KMO: variants seen among roughly 807,000 people sequenced by gnomAD.
KMO encodes the protein kynurenine 3-monooxygenase.
Under a neutral mutation model 57.8 loss-of-function variants are expected in KMO, and 24 were observed. The observed-to-expected ratio is 0.42, with a 90% CI of 0.30 to 0.58. The LOEUF is 0.58. Ranked by LOEUF, KMO falls within the 20% of genes least tolerant of loss-of-function variation. The probability of loss-of-function intolerance (pLI) is 0.22; values close to 1 mark genes in which losing one functional copy is unlikely to be tolerated. For synonymous variants in KMO, 210 were observed against 193.6 expected, an observed-to-expected ratio of 1.08 and a Z score of -0.70; for missense variants, 483 against 588.2, an observed-to-expected ratio of 0.82 and a Z score of 1.85.
chr1:241,577,801 G>A (rs1185998940), intron 10 of KMO, among the ~76,000 whole-genome samples: 1 of 152,174 alleles, frequency 6.6e-6, no homozygotes, highest in Non-Finnish European at 1.5e-5. Flanking sequence ...AATATGAAAT[G>A]TTGGTCAGAG....
chr1:241,532,404 T>C lies in KMO; in HGVS notation c.-41T>C, dbSNP rs368119479. 66 of 1,612,040 alleles carry C rather than the reference T, an allele frequency of 4.1e-5. No individual in the cohort carries two copies. The African/African-American group carries it at 7.8e-4, about 19-fold the overall frequency. On this transcript the variant is annotated 5_prime_UTR_variant, in exon 1 of 15. Transcript: ENST00000366559. ...AGACACAGAAATCAGTGTCACTCAG[T>C]GACAGAAGCAACAATAATTGTGAAA...
intron 8 of KMO, among the ~76,000 whole-genome samples, chr1:241,565,340 T>C (rs536657309): frequency 1.3e-5 from 2 of 152,210 alleles, no homozygotes; most frequent in South Asian, 4.1e-4. Context: ...AAACAGCCCT[T>C]CCAGTAAAGC....
At chr1:241,575,504 A>G (rs1023481202) in intron 10 of KMO, among the ~76,000 whole-genome samples, 3 of 151,970 alleles carry the variant, frequency 2.0e-5, no homozygotes, top group African/African-American at 4.8e-5. Flanking sequence ...TGAAATTTCC[A>G]TCTTGATTTC....
chr1:241,591,882 T>C, intron 14 of KMO, 71 bp from the exon 15 acceptor site: 1 of 1,267,162 alleles, frequency 7.9e-7, no homozygotes, highest in Non-Finnish European at 1.1e-6. Flanking sequence ...CCCTTTGTTG[T>C]TAAAAAATGA....
chr1:241,568,387 A>G (rs1270882896), intron 9 of KMO, 113 bp from the exon 10 acceptor site: 2 of 1,044,218 alleles, frequency 1.9e-6, no homozygotes, highest in African/African-American at 1.6e-5. Flanking sequence ...TCTTCTTGGC[A>G]TTCTTGTTTT....
At position 241,586,721 on chromosome 1, in the gene KMO, T is replaced by C. The variant is rs748323110; in HGVS notation, c.1000T>C (p.Phe334Leu). 2 of 1,605,548 alleles carry C rather than the reference T, an allele frequency of 1.2e-6. No individual in the cohort carries two copies. The highest frequency in any genetic ancestry group is 1.7e-6 in the Non-Finnish European group (2 of 1,176,808). ...CLVFDELMDK[F>L]SNDLSLCLPV... ...GGTATTTGATGAGTTAATGGATAAA[T>C]TCAGTAACGACCTTAGTAAGTAAGG... The change falls in exon 11 of 15, where the codon TTC becomes CTC. Residue 334 changes from phenylalanine to leucine, a missense_variant. This residue lies in a region of KMO where 410 missense variants were observed against 492.3 expected (regional missense o/e 0.83). Coordinates refer to ENST00000366559, the MANE Select transcript of KMO (RefSeq NM_003679.5).
chr1:241,544,853 T>C (rs1028915659), intron 1 of KMO, among the ~76,000 whole-genome samples: 1 of 152,184 alleles, frequency 6.6e-6, no homozygotes, highest in South Asian at 2.1e-4. Context: ...AAATTTATTA[T>C]ATATTTTTAA....
intron 10 of KMO, among the ~76,000 whole-genome samples, chr1:241,574,268 C>T (rs1369831016): frequency 1.3e-5 from 2 of 152,038 alleles, no homozygotes; most frequent in Admixed American, 1.3e-4. Context: ...ATTTCCTTCT[C>T]CTGCCTGATT....
At chr1:241,569,824 T>A (rs1056537820) in intron 10 of KMO, among the ~76,000 whole-genome samples, 3 of 152,126 alleles carry the variant, frequency 2.0e-5, no homozygotes, top group African/African-American at 7.2e-5. Context: ...CGTTATCACT[T>A]GTCTTTCAGA....
rs1663413641 is a variant in KMO, at chr1:241,593,957, A to G, written c.*1804A>G. 1 of 154,938 alleles carries G rather than the reference A, an allele frequency of 6.5e-6. No homozygotes were observed. The allele number at this position is 154,938 out of a possible 1,614,324, so 9.6% of individuals were successfully genotyped here. On this transcript the variant is annotated 3_prime_UTR_variant, in exon 15 of 15. Coordinates refer to ENST00000366559, the MANE Select transcript of KMO (RefSeq NM_003679.5). ...ACAAGAGGATTTTCTTTTTCATTCT[A>G]GAATTATCTCCTTGATAACTTGATC...
chr1:241,570,914 A>G (rs373493280), intron 10 of KMO, among the ~76,000 whole-genome samples: 1 of 152,148 alleles, frequency 6.6e-6, no homozygotes, highest in East Asian at 1.9e-4. Flanking sequence ...CTAATCCATG[A>G]GCATGGAATA....
At chr1:241,535,145 T>G (rs66482665) in intron 1 of KMO, among the ~76,000 whole-genome samples, 7,733 of 152,204 alleles carry the variant, frequency 0.051, 283 homozygotes, top group East Asian at 0.15. Flanking sequence ...GATGCATGTT[T>G]GAATATTGAG....
chr1:241,594,712 G>A lies in KMO; in HGVS notation c.*2559G>A. On this transcript the variant is annotated 3_prime_UTR_variant, in exon 15 of 15. Coordinates refer to ENST00000366559, the MANE Select transcript of KMO (RefSeq NM_003679.5). ...CGAAACTGGGCAGAGAAAAAATAAA[G>A]TGGAATATTAAGTAAAAGTTGGGCA... 1 of 1,605,134 alleles carries A rather than the reference G, an allele frequency of 6.2e-7. No homozygotes were observed. Among genetic ancestry groups the A allele is most frequent in the Non-Finnish European group, 8.5e-7 (1 of 1,175,890 alleles).
intron 1 of KMO, among the ~76,000 whole-genome samples, chr1:241,544,996 G>T (rs951909616): frequency 6.6e-6 from 1 of 151,924 alleles, no homozygotes; most frequent in South Asian, 2.1e-4. Context: ...TACTAAATAG[G>T]GTGTTTACTG....
chr1:241,591,204 G>A (rs911831555), intron 14 of KMO, among the ~76,000 whole-genome samples: 2 of 152,170 alleles, frequency 1.3e-5, no homozygotes, highest in African/African-American at 4.8e-5. Context: ...ATGCAGGACA[G>A]TAAGTGCGGG....
rs566788211 is a variant in KMO at position 241,593,255 on chromosome 1, A to ATT, written c.*1104_*1105dup. On this transcript the variant is annotated 3_prime_UTR_variant, in exon 15 of 15. Transcript: ENST00000366559. ...ATTCAATTTCAGACCCTCAGAAGCA[A>ATT]TTTACTAATTTATTCTTCGACTACA... 6.4e-6 allele frequency: 2 copies of ATT among 311,376 alleles called. No homozygotes were observed. The highest frequency in any genetic ancestry group is 5.7e-5 in the South Asian group (2 of 34,998). 19.3% of individuals were successfully genotyped at this position (311,376 alleles called of 1,614,324 possible).
At position 241,592,442 on chromosome 1, in the gene KMO, A is replaced by G. The variant is rs1663342296; in HGVS notation, c.*289A>G. ...CACTTCTCTGAAAGTAAGGCCCTAG[A>G]TGCCTCAGGGAAGACAGTAATCATG... is the stretch of plus-strand genomic sequence containing the variant. On this transcript the variant is annotated 3_prime_UTR_variant, in exon 15 of 15. Coordinates refer to ENST00000366559, the MANE Select transcript of KMO (RefSeq NM_003679.5). 2.0e-5 allele frequency: 8 copies of G among 394,522 alleles called. No homozygotes were observed. Among genetic ancestry groups the G allele is most frequent in the Non-Finnish European group, 3.8e-5 (8 of 213,284 alleles). 24.4% of individuals were successfully genotyped at this position (394,522 alleles called of 1,614,324 possible).
chr1:241,587,267 G>A (rs1663037209), intron 11 of KMO, among the ~76,000 whole-genome samples: 1 of 152,158 alleles, frequency 6.6e-6, no homozygotes, highest in Non-Finnish European at 1.5e-5. Context: ...GCTCCTATGA[G>A]AAACTAATGC....
intron 10 of KMO, among the ~76,000 whole-genome samples, chr1:241,572,394 A>G (rs1360486764): frequency 6.6e-6 from 1 of 151,902 alleles, no homozygotes; most frequent in Non-Finnish European, 1.5e-5. Flanking sequence ...GTCTCTAATG[A>G]TCCTTTGAGT....
Sources: gnomAD v4.1 joint callset for allele counts (sites outside exome capture counted in the v4.1 genomes callset) on GRCh38, gnomAD v4.1.1 for gene constraint, gnomAD v4.1.1 regional missense constraint, MANE v1.5 for transcripts, NCBI Gene and HGNC (gene_info 2026-07-23, HGNC 2026-07-21) for gene names.